The following XKR9 variants were observed in gnomAD, a reference collection of about 807,000 sequenced individuals.
XKR9 encodes the protein XK related 9, also known as XK-related protein 9.
A neutral mutation model predicts 32.0 loss-of-function variants in XKR9; 32 were observed. The ratio of observed to expected loss-of-function variants is 1.00; its 90% CI spans 0.76 to 1.34. The LOEUF (loss-of-function observed/expected upper bound fraction) is 1.34, where lower values mean the gene tolerates loss of function less well. Among genes scored for constraint, XKR9 ranks in the 40% most tolerant of loss-of-function variants. The probability of loss-of-function intolerance (pLI) is 0.00; values close to 1 mark genes in which losing one functional copy is unlikely to be tolerated. For synonymous variants in XKR9, 168 were observed against 143.4 expected (o/e 1.17, Z -1.22); for missense variants, 546 against 429.7 (o/e 1.27, Z -2.39).
At chr8:71,055,609 C>T in the XKR9 span, among the ~76,000 whole-genome samples, 3 of 152,170 alleles carry the variant, frequency 2.0e-5, no homozygotes, top group Non-Finnish European at 4.4e-5. Context: ...AAGGATTCTA[C>T]TGATTACTAC....
the XKR9 span, among the ~76,000 whole-genome samples, chr8:70,988,202 G>A: frequency 2.0e-5 from 3 of 152,068 alleles, no homozygotes; most frequent in South Asian, 6.2e-4. Context: ...ACAATTCAAG[G>A]TGAGACTTGG....
the XKR9 span, among the ~76,000 whole-genome samples, chr8:70,810,775 C>A: frequency 2.6e-5 from 4 of 152,244 alleles, no homozygotes; most frequent in Admixed American, 6.5e-5. Context: ...TACAGGAGCA[C>A]CCAGATTCAT....
chr8:70,933,436 GT>G, the XKR9 span, among the ~76,000 whole-genome samples: 711 of 143,516 alleles, frequency 5.0e-3, 3 homozygotes, highest in East Asian at 0.019. Flanking sequence ...GGGAAGAACA[GT>G]TTTTTTTTTT....
At chr8:70,740,883 G>A (rs1203313079), downstream of XKR9, among the ~76,000 whole-genome samples, 1 of 152,220 alleles carries the variant, frequency 6.6e-6, no homozygotes, top group Non-Finnish European at 1.5e-5. Context: ...CCTCCTGGGG[G>A]TTGCCTCCCA....
At chr8:70,999,337 A>T in the XKR9 span, among the ~76,000 whole-genome samples, 3 of 152,118 alleles carry the variant, frequency 2.0e-5, no homozygotes, top group South Asian at 4.2e-4. Context: ...CTCCTAGTCC[A>T]TTTTTGTTTC....
chr8:70,733,447 A>T lies in XKR9; in HGVS notation c.494-349A>T, dbSNP rs150360884. ...ATAACTGTAGTCTCTTAACTCACAG[A>T]GTATGCTTTTTTCAGTATATCAGTT... is the stretch of plus-strand genomic sequence containing the variant. On this transcript the variant is annotated intron_variant, in intron 4 of 4. Transcript: ENST00000408926. 1.0e-3 allele frequency among the ~76,000 whole-genome samples: 155 copies of T among 152,220 alleles called. 1 individual carries two copies. In the Middle Eastern group the frequency reaches 0.031, roughly 30 times the overall value.
chr8:70,721,219 G>A lies in XKR9; in HGVS notation c.494-12577G>A, dbSNP rs535482140. On this transcript the variant is annotated intron_variant, in intron 4 of 4. Coordinates refer to ENST00000408926, the MANE Select transcript of XKR9 (RefSeq NM_001011720.2). ...CTTCTTTATTAGTCTTGCTAGTGGTGTATCTATTTTGTTAATCTTTTCAAA... is the reference window on the plus strand; with the variant it reads ...CTTCTTTATTAGTCTTGCTAGTGGTATATCTATTTTGTTAATCTTTTCAAA... 9.9e-5 allele frequency among the ~76,000 whole-genome samples: 15 copies of A among 151,844 alleles called. No individual in the cohort carries two copies. In the South Asian group the frequency reaches 2.7e-3, roughly 27 times the overall value.
At chr8:71,013,994 C>T in the XKR9 span, among the ~76,000 whole-genome samples, 2 of 152,050 alleles carry the variant, frequency 1.3e-5, no homozygotes, top group African/African-American at 4.8e-5. Context: ...GCCCCGATGC[C>T]CCTGTGCCTA....
the XKR9 span, among the ~76,000 whole-genome samples, chr8:70,905,221 A>G: frequency 6.6e-6 from 1 of 152,222 alleles, no homozygotes; most frequent in Admixed American, 6.5e-5. Flanking sequence ...GTGTTATCCA[A>G]CTTGGTTCCA....
chr8:71,013,574 C>G, the XKR9 span, among the ~76,000 whole-genome samples: 2 of 152,042 alleles, frequency 1.3e-5, no homozygotes, highest in African/African-American at 2.4e-5. Flanking sequence ...CATAAAGGAG[C>G]CTTAGAAGAG....
the XKR9 span, among the ~76,000 whole-genome samples, chr8:70,925,624 C>A: frequency 2.6e-5 from 4 of 152,202 alleles, no homozygotes; most frequent in East Asian, 7.7e-4. Flanking sequence ...AGAATAGAAG[C>A]CTGGCTTATG....
At chr8:70,681,938 G>A (rs1389992571) in intron 3 of XKR9, among the ~76,000 whole-genome samples, 1 of 151,964 alleles carries the variant, frequency 6.6e-6, no homozygotes, top group Non-Finnish European at 1.5e-5. Flanking sequence ...AGCAATTCAT[G>A]ATCCTTAGTT....
In XKR9 at chr8:70,696,442, C is replaced by T. The variant is rs1293911778; in HGVS notation, c.273-10491C>T. 5.3e-5 allele frequency among the ~76,000 whole-genome samples: 8 copies of T among 151,552 alleles called. No homozygotes were observed. The East Asian group carries it at 1.5e-3, about 29-fold the overall frequency. On this transcript the variant is annotated intron_variant, in intron 3 of 4. Coordinates refer to ENST00000408926, the MANE Select transcript of XKR9 (RefSeq NM_001011720.2). ...CAGCACCATTTATTAAATAGGGAAT[C>T]CTTTCCCCATTGCTTGTTTTTGTCA...
chr8:71,045,641 C>T, the XKR9 span, among the ~76,000 whole-genome samples: 5 of 152,174 alleles, frequency 3.3e-5, no homozygotes, highest in Admixed American at 6.5e-5. Context: ...TGGTGTGCCA[C>T]GCGCAGTTCC....
At chr8:70,956,437 T>A in the XKR9 span, among the ~76,000 whole-genome samples, 2 of 152,096 alleles carry the variant, frequency 1.3e-5, no homozygotes, top group Non-Finnish European at 2.9e-5. Context: ...CATCATCCAA[T>A]TGGCCGAACT....
the XKR9 span, among the ~76,000 whole-genome samples, chr8:70,936,491 A>G: frequency 6.6e-6 from 1 of 152,106 alleles, no homozygotes; most frequent in African/African-American, 2.4e-5. Flanking sequence ...GAGAACTTAG[A>G]TGCAATACAG....
At chr8:70,761,638 C>T (rs115432077) in intron 2 of XKR9, among the ~76,000 whole-genome samples, 3 of 151,978 alleles carry the variant, frequency 2.0e-5, no homozygotes, top group South Asian at 2.1e-4. Context: ...TTCTTTCATT[C>T]TGTAAGCTGT....
the XKR9 span, among the ~76,000 whole-genome samples, chr8:70,993,483 C>A: frequency 6.6e-6 from 1 of 152,102 alleles, no homozygotes; most frequent in Non-Finnish European, 1.5e-5. Flanking sequence ...CCCACCTTAG[C>A]CAGAGTCATA....
At chr8:70,746,529 T>C (rs1284596585) in intron 2 of XKR9, among the ~76,000 whole-genome samples, 1 of 150,078 alleles carries the variant, frequency 6.7e-6, no homozygotes, top group African/African-American at 2.5e-5. Context: ...AATTTGCAGT[T>C]TCTTTCTTTT....
Sources: gnomAD v4.1 joint callset for allele counts (sites outside exome capture counted in the v4.1 genomes callset) on GRCh38, gnomAD v4.1.1 for gene constraint, MANE v1.5 for transcripts, NCBI Gene and HGNC (gene_info 2026-07-23, HGNC 2026-07-21) for gene names.